Variants in TBC1D22A observed in about 807,000 individuals in gnomAD.
The protein encoded by TBC1D22A is putative GTPase activator.
A neutral mutation model predicts 60.2 loss-of-function variants in TBC1D22A; 38 were observed. That is an observed-to-expected ratio of 0.63 (90% confidence interval 0.49 to 0.83). The LOEUF (loss-of-function observed/expected upper bound fraction) is 0.83. Ranked by LOEUF, TBC1D22A falls within the 40% of genes least tolerant of loss-of-function variation. The pLI is 0.00. For missense variants in TBC1D22A, 628 were observed against 701.0 expected, an observed-to-expected ratio of 0.90 and a Z score of 1.18; for synonymous variants, 302 against 281.7, an observed-to-expected ratio of 1.07 and a Z score of -0.72.
chr22:47,114,267 T>TGGGGTGG (rs2065951916), intron 12 of TBC1D22A, among the ~76,000 whole-genome samples: 1 of 149,242 alleles, frequency 6.7e-6, no homozygotes, highest in African/African-American at 2.5e-5. Flanking sequence ...GTGTGGGGTG[T>TGGGGTGG]GGGGTGCAGG....
chr22:46,974,518 AC>A, intron 9 of TBC1D22A, 119 bp downstream of exon 9: 1 of 790,652 alleles, frequency 1.3e-6, no homozygotes. Flanking sequence ...CTGAAGCCTC[AC>A]TTTTCTACAT....
intron 8 of TBC1D22A, among the ~76,000 whole-genome samples, chr22:46,961,809 A>G (rs1314773388): frequency 6.6e-6 from 1 of 152,230 alleles, no homozygotes; most frequent in Non-Finnish European, 1.5e-5. Flanking sequence ...TGAGTGCGGC[A>G]CAATTGATGG....
At chr22:47,171,849 G>C (rs1467151197) in intron 12 of TBC1D22A, among the ~76,000 whole-genome samples, 1 of 151,204 alleles carries the variant, frequency 6.6e-6, no homozygotes, top group Non-Finnish European at 1.5e-5. Context: ...CCGGCCTCCA[G>C]ACCATGAGCT....
chr22:47,097,398 G>A (rs1040440965), intron 11 of TBC1D22A, among the ~76,000 whole-genome samples: 5 of 151,792 alleles, frequency 3.3e-5, no homozygotes, highest in Admixed American at 2.6e-4. Context: ...GGTGGATCAC[G>A]AGGTCAGGAG....
chr22:47,161,188 A>T, intron 12 of TBC1D22A, among the ~76,000 whole-genome samples: 1 of 152,172 alleles, frequency 6.6e-6, no homozygotes, highest in South Asian at 2.1e-4. Context: ...TAGAAATTGA[A>T]ATCATGTTTT....
At chr22:47,038,963 A>C (rs1245765748) in intron 11 of TBC1D22A, among the ~76,000 whole-genome samples, 1 of 152,196 alleles carries the variant, frequency 6.6e-6, no homozygotes, top group East Asian at 1.9e-4. Flanking sequence ...ATATCCTGTA[A>C]ATTGCGAATG....
In TBC1D22A at chr22:47,096,965, T is replaced by C. The variant is rs377180932; in HGVS notation, c.1330-14543T>C. On this transcript the variant is annotated intron_variant, in intron 11 of 12. Transcript: ENST00000337137. The stretch of plus-strand genomic sequence containing the variant: ...TTCATTCTTCCACGTGGATAGCCAG[T>C]TGTTTTCTCTGTACCATTGATGGAA... 2.9e-5 allele frequency among the ~76,000 whole-genome samples: 4 copies of C among 138,352 alleles called. No individual in the cohort carries two copies. The East Asian group carries it at 9.1e-4, about 31-fold the overall frequency. 90.8% of individuals were successfully genotyped at this position (138,352 alleles called of 152,430 possible).
intron 12 of TBC1D22A, among the ~76,000 whole-genome samples, chr22:47,160,392 C>A (rs1226429979): frequency 6.6e-6 from 1 of 152,228 alleles, no homozygotes; most frequent in African/African-American, 2.4e-5. Context: ...CCCATTGATC[C>A]TACCCGCCTG....
rs369438094 is a variant in TBC1D22A, at chr22:46,945,228, G to A, written c.1016-29062G>A. 9.3e-4 allele frequency among the ~76,000 whole-genome samples: 142 copies of A among 152,232 alleles called. 2 individuals carry two copies. The South Asian group carries it at 0.029, about 31-fold the overall frequency. On this transcript the variant is annotated intron_variant, in intron 8 of 12. Transcript: ENST00000337137. ...TTGTGTGCCATGATCTTTGCTCTTA[G>A]GCAGTTTAAATTTCGGGAGGGATAC...
chr22:46,834,273 C>G (rs1274942705), intron 4 of TBC1D22A, among the ~76,000 whole-genome samples: 1 of 152,128 alleles, frequency 6.6e-6, no homozygotes, highest in Non-Finnish European at 1.5e-5. Flanking sequence ...GTTTTCAGCC[C>G]TCATCCCCCC....
At chr22:46,870,587 G>A (rs1011011766) in intron 4 of TBC1D22A, among the ~76,000 whole-genome samples, 10 of 152,186 alleles carry the variant, frequency 6.6e-5, no homozygotes, top group African/African-American at 2.4e-4. Flanking sequence ...AGCTGTCTTA[G>A]TCTGTTTCAT....
rs1159000499 is a variant in TBC1D22A at position 47,173,692 on chromosome 22, T to A, written c.*66T>A. 2.5e-6 allele frequency: 4 copies of A among 1,603,738 alleles called. No homozygotes were observed. In the African/African-American group the frequency reaches 5.3e-5, roughly 21 times the overall value. On this transcript the variant is annotated 3_prime_UTR_variant, in exon 13 of 13. Transcript: ENST00000337137. Reference sequence around the variant, plus strand: ...CGCGCCCCACCTGCCTGGCTGGTGGTAGGCCCCTGTGAGCTGGTCCCGGGC... The same window carrying A: ...CGCGCCCCACCTGCCTGGCTGGTGGAAGGCCCCTGTGAGCTGGTCCCGGGC...
At chr22:46,790,038 T>C (rs1020752376) in intron 1 of TBC1D22A, among the ~76,000 whole-genome samples, 1 of 152,254 alleles carries the variant, frequency 6.6e-6, no homozygotes, top group Non-Finnish European at 1.5e-5. Context: ...CTGTGACTGC[T>C]CTAGCAAATC....
chr22:46,821,326 A>G (rs1428809100), intron 4 of TBC1D22A, among the ~76,000 whole-genome samples: 1 of 152,076 alleles, frequency 6.6e-6, no homozygotes, highest in African/African-American at 2.4e-5. Flanking sequence ...GTTGCTTCAT[A>G]GTGTCATTGG....
At chr22:46,815,188 A>G (rs2085541737) in intron 4 of TBC1D22A, among the ~76,000 whole-genome samples, 1 of 152,188 alleles carries the variant, frequency 6.6e-6, no homozygotes, top group Non-Finnish European at 1.5e-5. Flanking sequence ...CCCCTGAGAC[A>G]TAACTCTTGA....
chr22:47,068,973 C>G (rs943595680), intron 11 of TBC1D22A, among the ~76,000 whole-genome samples: 1 of 152,162 alleles, frequency 6.6e-6, no homozygotes, highest in Non-Finnish European at 1.5e-5. Flanking sequence ...TTATTTGTGA[C>G]TCTACGTTTT....
In TBC1D22A at chr22:47,009,499, TCATCACCACCATCATCTTCAC is replaced by T. The variant is rs1480848182; in HGVS notation, c.1201+11799_1201+11819del. On this transcript the variant is annotated intron_variant, in intron 10 of 12. Coordinates refer to ENST00000337137, the MANE Select transcript of TBC1D22A (RefSeq NM_014346.5). The surrounding 1 kb of genome is among the most constrained non-coding windows in gnomAD (Gnocchi z 5.8). ...CACTATCACCATCATTTCATCACCATCATCACCACCATCATCTTCACCATCACCATCATCATCATTGCCATC... is the reference window on the plus strand; with the variant it reads ...CACTATCACCATCATTTCATCACCATCATCACCATCATCATCATTGCCATC... Among the ~76,000 whole-genome samples, 2 of 87,714 alleles carry T rather than the reference TCATCACCACCATCATCTTCAC, an allele frequency of 2.3e-5. No individual in the cohort carries two copies. The highest frequency in any genetic ancestry group is 5.5e-5 in the Non-Finnish European group (2 of 36,096). The allele number at this position is 87,714 out of a possible 152,430, so 57.5% of individuals were successfully genotyped here.
At chr22:47,054,380 G>A (rs1221324446) in intron 11 of TBC1D22A, among the ~76,000 whole-genome samples, 8 of 152,114 alleles carry the variant, frequency 5.3e-5, no homozygotes, top group East Asian at 3.9e-4. Context: ...GGCACCACTC[G>A]AGGTGAGGGG....
At chr22:47,040,695 G>A (rs1357439218) in intron 11 of TBC1D22A, among the ~76,000 whole-genome samples, 6 of 152,258 alleles carry the variant, frequency 3.9e-5, no homozygotes, top group East Asian at 1.9e-4. Context: ...AGGTTACCCC[G>A]TGCGGGACGT....
Sources: gnomAD v4.1 joint callset for allele counts (sites outside exome capture counted in the v4.1 genomes callset) on GRCh38, gnomAD v4.1.1 for gene constraint, Gnocchi (gnomAD v3.1) non-coding constraint, MANE v1.5 for transcripts, NCBI Gene and HGNC (gene_info 2026-07-23, HGNC 2026-07-21) for gene names.